NFATC2: variants seen among roughly 807,000 people sequenced by gnomAD.
The protein encoded by NFATC2 is nuclear factor of activated T cells 2.
Under a neutral mutation model 87.3 loss-of-function variants are expected in NFATC2, and 22 were observed. The ratio of observed to expected loss-of-function variants is 0.25; its 90% CI spans 0.18 to 0.36. The LOEUF is 0.36. Ranked by LOEUF, NFATC2 falls within the 10% of genes least tolerant of loss-of-function variation. NFATC2 has a pLI of 1.00. For synonymous variants in NFATC2, 565 were observed against 542.2 expected (o/e 1.04, Z -0.58); for missense variants, 1,149 against 1,259.1 (o/e 0.91, Z 1.32).
At position 51,432,195 on chromosome 20, in the gene NFATC2, T is replaced by G; in HGVS notation, c.2594A>C (p.Gln865Pro). ...LSPGSYPTVI[Q>P]QQNATSQRAA... ...TCTTTGGCTCGTGGCATTCTGCTGC[T>G]GAATGACTGTGGGGTAGGAACCCGG... The change falls in exon 9 of 11, where the codon CAG (glutamine) becomes CCG (proline). Residue 865 changes from glutamine (Q) to proline (P), a missense_variant. Coordinates refer to ENST00000371564, the MANE Select transcript of NFATC2 (RefSeq NM_012340.5). This position sits in a 1 kb window ranked among gnomAD's most constrained non-coding sequence, Gnocchi z 4.6. 1 of 1,610,888 alleles carries G rather than the reference T, an allele frequency of 6.2e-7. No homozygotes were observed. The highest frequency in any genetic ancestry group is 8.5e-7 in the Non-Finnish European group (1 of 1,177,544).
intron 6 of NFATC2, among the ~76,000 whole-genome samples, chr20:51,447,709 C>T (rs228835): frequency 0.5 from 75,495 of 152,210 alleles, 20,900 homozygotes; most frequent in South Asian, 0.64. Flanking sequence ...GACTTCCCAG[C>T]GTGAACTTTG....
intron 5 of NFATC2, among the ~76,000 whole-genome samples, chr20:51,467,601 AC>A (rs1343518566): frequency 6.6e-6 from 1 of 152,154 alleles, no homozygotes; most frequent in Admixed American, 6.6e-5. Context: ...GCCAACAAGC[AC>A]CTGAATCATT....
chr20:51,511,286 C>T (rs929595979), intron 3 of NFATC2, among the ~76,000 whole-genome samples: 2 of 152,206 alleles, frequency 1.3e-5, no homozygotes, highest in African/African-American at 4.8e-5. Context: ...CTTGTTTATA[C>T]AGTCTCTTCT....
chr20:51,432,746 G>C lies in NFATC2; in HGVS notation c.2043C>G (p.Ile681Met), dbSNP rs1364855762. The change falls in exon 9 of 11, where the codon ATC becomes ATG. Residue 681 changes from isoleucine to methionine, a missense_variant. Around this residue, in one of 3 missense-constraint regions of NFATC2, gnomAD observed 581 missense variants for 649.7 expected, o/e 0.89. Transcript: ENST00000371564. The surrounding 1 kb of genome is among the most constrained non-coding windows in gnomAD (Gnocchi z 4.6). ...CATATTCATCCGTGGGCTCCGTCTT[G>C]ATGGCTGGGACTGGGAGGAGAAAAG... ...QHFTYHPVPA[I>M]KTEPTDEYDP... 13 of 1,578,146 alleles carry C rather than the reference G, an allele frequency of 8.2e-6. No homozygotes were observed. Among genetic ancestry groups the C allele is most frequent in the Non-Finnish European group, 1.1e-5 (13 of 1,170,546 alleles).
chr20:51,498,389 C>T (rs966623663), intron 3 of NFATC2, among the ~76,000 whole-genome samples: 1 of 151,766 alleles, frequency 6.6e-6, no homozygotes, highest in Admixed American at 6.6e-5. Context: ...GATGAAGCAA[C>T]GATGAAGGAG....
At chr20:51,442,571 C>T (rs764733654) in intron 6 of NFATC2, among the ~76,000 whole-genome samples, 23 of 152,226 alleles carry the variant, frequency 1.5e-4, no homozygotes, top group Admixed American at 9.8e-4. Context: ...CCAAGCTACT[C>T]ATATGGTTGT....
chr20:51,431,461 C>G (rs1982691710), intron 9 of NFATC2, among the ~76,000 whole-genome samples: 1 of 152,168 alleles, frequency 6.6e-6, no homozygotes, highest in African/African-American at 2.4e-5. Context: ...TGGCCCAAAC[C>G]ACCCATCAGC....
At chr20:51,464,944 C>T (rs147352352) in intron 5 of NFATC2, among the ~76,000 whole-genome samples, 26 of 152,330 alleles carry the variant, frequency 1.7e-4, no homozygotes, top group Middle Eastern at 3.4e-3. Flanking sequence ...CAATACAGAA[C>T]GTACTTGACA....
At chr20:51,502,357 ACT>A (rs531989060) in intron 3 of NFATC2, among the ~76,000 whole-genome samples, 221 of 152,100 alleles carry the variant, frequency 1.5e-3, no homozygotes, top group African/African-American at 3.8e-3. Flanking sequence ...ACAGGATCTC[ACT>A]CTGTTGCCCA....
At chr20:51,496,947 G>A (rs543840196) in intron 3 of NFATC2, among the ~76,000 whole-genome samples, 2 of 152,288 alleles carry the variant, frequency 1.3e-5, no homozygotes, top group South Asian at 2.1e-4. Context: ...CCTGGCTGCC[G>A]CGACAGCCCT....
chr20:51,555,307 A>G (rs2076968029), intron 1 of NFATC2, among the ~76,000 whole-genome samples: 1 of 152,070 alleles, frequency 6.6e-6, no homozygotes, highest in South Asian at 2.1e-4. Context: ...ACAAGATCCT[A>G]TGTGGGCCGG....
chr20:51,405,157 C>T (rs1026280555), intron 9 of NFATC2, among the ~76,000 whole-genome samples: 12 of 152,286 alleles, frequency 7.9e-5, no homozygotes, highest in East Asian at 1.9e-4. Context: ...ATGCATCAGA[C>T]GCCAGCCAAG....
At position 51,523,571 on chromosome 20, in the gene NFATC2, T is replaced by C; in HGVS notation, c.670A>G (p.Thr224Ala). 6.2e-7 allele frequency: 1 copy of C among 1,613,382 alleles called. No homozygotes were observed. The highest frequency in any genetic ancestry group is 8.5e-7 in the Non-Finnish European group (1 of 1,179,730). The change falls in exon 2 of 11, where the codon ACC becomes GCC. Residue 224 changes from threonine to alanine, a missense_variant. Around this residue, in one of 3 missense-constraint regions of NFATC2, gnomAD observed 563 missense variants for 585.2 expected, o/e 0.96. Coordinates refer to ENST00000371564, the MANE Select transcript of NFATC2 (RefSeq NM_012340.5). The surrounding 1 kb of genome is among the most constrained non-coding windows in gnomAD (Gnocchi z 6.9). Reference sequence around the variant, plus strand: ...AGGCAGCTGTCCTCGGCGAGGCTGGTTCGAGGTGACATTATTGGCGAGGTT... The same window carrying C: ...AGGCAGCTGTCCTCGGCGAGGCTGGCTCGAGGTGACATTATTGGCGAGGTT... ...PRTSPIMSPR[T>A]SLAEDSCLGR...
chr20:51,556,866 G>C (rs1263796917), intron 1 of NFATC2, among the ~76,000 whole-genome samples: 1 of 152,202 alleles, frequency 6.6e-6, no homozygotes, highest in Non-Finnish European at 1.5e-5. Context: ...TAGGTCCATT[G>C]TGATAGAGAG....
chr20:51,391,232 G>A lies in NFATC2; in HGVS notation c.*264C>T, dbSNP rs553363541. 16 of 754,958 alleles carry A rather than the reference G, an allele frequency of 2.1e-5. No individual in the cohort carries two copies. The East Asian group carries it at 3.3e-4, about 15-fold the overall frequency. 46.8% of individuals were successfully genotyped at this position (754,958 alleles called of 1,614,324 possible). A position where few individuals can be genotyped will look rare whatever the true frequency, so the allele number is the denominator to read the frequency against. On this transcript the variant is annotated 3_prime_UTR_variant, in exon 11 of 11. Coordinates refer to ENST00000371564, the MANE Select transcript of NFATC2 (RefSeq NM_012340.5). ...AGAAGAGTTCTCTCTGGTGTTTAGAGGGAGGTGGCGAGCTCCTTAAGTGAG... is the reference window on the plus strand; with the variant it reads ...AGAAGAGTTCTCTCTGGTGTTTAGAAGGAGGTGGCGAGCTCCTTAAGTGAG...
rs200627667 is a variant in NFATC2 at position 51,391,472 on chromosome 20, G to A, written c.*45-21C>T. On this transcript the variant is annotated intron_variant, in intron 10 of 10. Transcript: ENST00000371564. The stretch of plus-strand genomic sequence containing the variant: ...ATTAACTACAAAAGAAAAGAGGAGG[G>A]GGGGGGAGAGAGAATGGGGCAAGTG... 51 of 1,587,056 alleles carry A rather than the reference G, an allele frequency of 3.2e-5. 2 individuals are homozygous for A. The highest frequency in any genetic ancestry group is 2.2e-4 in the South Asian group (20 of 90,474).
chr20:51,550,082 G>A (rs190607779), intron 1 of NFATC2, among the ~76,000 whole-genome samples: 2 of 152,298 alleles, frequency 1.3e-5, no homozygotes, highest in African/African-American at 4.8e-5. Flanking sequence ...GGTGGCTCAC[G>A]TCTATAATCC....
intron 9 of NFATC2, among the ~76,000 whole-genome samples, chr20:51,411,516 CTTTTTTTTTTTTTTTTTT>C (rs67935951): frequency 3.4e-5 from 3 of 87,250 alleles, no homozygotes; most frequent in African/African-American, 1.3e-4. Flanking sequence ...ATGCAATTGT[CTTTTTTTTTTTTTTTTTT>C]TTTTTTTTTT....
intron 3 of NFATC2, among the ~76,000 whole-genome samples, chr20:51,494,596 G>C (rs918113015): frequency 2.0e-5 from 3 of 152,084 alleles, no homozygotes; most frequent in Admixed American, 2.0e-4. Flanking sequence ...TCCTAGGGCT[G>C]AGAACCCACG....
Sources: allele counts gnomAD v4.1 joint callset (sites outside exome capture counted in the v4.1 genomes callset), GRCh38; gene constraint gnomAD v4.1.1; regional missense constraint gnomAD v4.1.1; non-coding constraint Gnocchi (gnomAD v3.1); transcripts MANE v1.5; gene names NCBI Gene and HGNC (gene_info 2026-07-23, HGNC 2026-07-21).